Variants in AMBRA1 observed in about 807,000 individuals in gnomAD.
AMBRA1 encodes the protein activating molecule in BECN1-regulated autophagy protein 1.
AMBRA1 carries 47 observed loss-of-function variants against 125.4 expected under a neutral mutation model. The ratio of observed to expected loss-of-function variants is 0.37; its 90% CI spans 0.30 to 0.48. AMBRA1 has a LOEUF of 0.48. Among genes scored for constraint, AMBRA1 ranks in the 20% least tolerant of loss-of-function variants. The pLI, the probability that AMBRA1 is intolerant of heterozygous loss-of-function variation, is 0.99. For synonymous variants in AMBRA1, 626 were observed against 655.5 expected (o/e 0.95, Z 0.69); for missense variants, 1,331 against 1,693.4 (o/e 0.79, Z 3.76).
At chr11:46,488,138 G>A (rs960092382) in intron 11 of AMBRA1, among the ~76,000 whole-genome samples, 4 of 152,166 alleles carry the variant, frequency 2.6e-5, no homozygotes, top group African/African-American at 9.7e-5. Flanking sequence ...TAATGACAAA[G>A]TCACAAAATA....
At position 46,418,019 on chromosome 11, in the gene AMBRA1, C is replaced by A; in HGVS notation, c.3010G>T (p.Asp1004Tyr). ...TTGATACTGACATGTCTCCGCTGGTCGGCAGGCATGGGATAAAGGACGTTG... is the reference window on the plus strand; with the variant it reads ...TTGATACTGACATGTCTCCGCTGGTAGGCAGGCATGGGATAAAGGACGTTG... ...VFNVLYPMPA[D>Y]QRRHVSINSA... Residue 1004 changes from aspartate (D) to tyrosine (Y), a missense_variant, in exon 15 of 18, where the codon GAC becomes TAC. By Grantham distance (160) the Asp-to-Tyr change is radical. Around this residue, in one of 4 missense-constraint regions of AMBRA1, gnomAD observed 354 missense variants for 532.7 expected, o/e 0.66. Coordinates refer to ENST00000683756, the MANE Select transcript of AMBRA1 (RefSeq NM_001387011.1). 3 of 1,604,700 alleles carry A rather than the reference C, an allele frequency of 1.9e-6. No individual in the cohort carries two copies. Among genetic ancestry groups the A allele is most frequent in the South Asian group, 2.2e-5 (2 of 90,122 alleles).
Position 46,397,513 on chromosome 11 carries a change from A to C in AMBRA1, c.3834T>G (p.Leu1278=). 6.5e-7 allele frequency: 1 copy of C among 1,533,684 alleles called. No individual in the cohort carries two copies. Among genetic ancestry groups the C allele is most frequent in the Non-Finnish European group, 8.8e-7 (1 of 1,138,074 alleles). ...CCCCCCTGCTGCTGCCACCATCCAGAAGGTGGTTGTTATTGGTCAACTCGC... is the reference window on the plus strand; with the variant it reads ...CCCCCCTGCTGCTGCCACCATCCAGCAGGTGGTTGTTATTGGTCAACTCGC... ...LHCELTNNNH[L]LDGGSSRGDA... is the part of the protein sequence containing the mutation. The change falls in exon 18 of 18, where the codon CTT becomes CTG. Residue 1278 remains leucine (L), a synonymous_variant. Transcript: ENST00000683756.
intron 14 of AMBRA1, among the ~76,000 whole-genome samples, chr11:46,429,512 C>G (rs1350293620): frequency 1.3e-5 from 2 of 152,210 alleles, no homozygotes; most frequent in African/African-American, 4.8e-5. Context: ...GCTCAAAATG[C>G]CCTAGCTTCG....
At chr11:46,434,647 G>A (rs1456370652) in intron 13 of AMBRA1, among the ~76,000 whole-genome samples, 1 of 152,182 alleles carries the variant, frequency 6.6e-6, no homozygotes, top group African/African-American at 2.4e-5. Context: ...ACAGGGGCAT[G>A]CGGTAGGACT....
chr11:46,553,552 C>G (rs546407976), intron 1 of AMBRA1, among the ~76,000 whole-genome samples: 1 of 152,126 alleles, frequency 6.6e-6, no homozygotes, highest in Admixed American at 6.5e-5. Context: ...CGAGACCAGC[C>G]TGGCCAACAT....
At chr11:46,569,240 C>CA (rs1207336499) in intron 1 of AMBRA1, among the ~76,000 whole-genome samples, 12,790 of 68,520 alleles carry the variant, frequency 0.19, 981 homozygotes, top group Middle Eastern at 0.3. Flanking sequence ...GAGGGAATCT[C>CA]AAAAAAAAAA....
intron 7 of AMBRA1, among the ~76,000 whole-genome samples, chr11:46,536,284 C>T (rs1366807569): frequency 6.6e-6 from 1 of 152,134 alleles, no homozygotes; most frequent in Non-Finnish European, 1.5e-5. Context: ...AGGGAGCTCA[C>T]TGACGGAAAG....
At chr11:46,526,545 AT>A (rs369594191) in intron 7 of AMBRA1, among the ~76,000 whole-genome samples, 1 of 149,476 alleles carries the variant, frequency 6.7e-6, no homozygotes, top group African/African-American at 2.5e-5. Flanking sequence ...AAAAATTAAA[AT>A]TAAAAAAAAA....
chr11:46,443,269 A>G (rs186576722), intron 12 of AMBRA1, among the ~76,000 whole-genome samples: 1 of 152,232 alleles, frequency 6.6e-6, no homozygotes, highest in Admixed American at 6.5e-5. Context: ...TGTTAATTAA[A>G]CTCGATTAAT....
chr11:46,398,299 T>G (rs772160762), intron 17 of AMBRA1, among the ~76,000 whole-genome samples: 15 of 152,180 alleles, frequency 9.9e-5, no homozygotes, highest in Admixed American at 2.6e-4. Context: ...GCCTGCTCCC[T>G]GTTGTGGAAA....
chr11:46,554,739 C>G (rs2043114025), intron 1 of AMBRA1, among the ~76,000 whole-genome samples: 1 of 152,092 alleles, frequency 6.6e-6, no homozygotes, highest in African/African-American at 2.4e-5. Flanking sequence ...GGAGAAAATG[C>G]CAGTCAATTG....
chr11:46,433,329 A>G, intron 14 of AMBRA1, 145 bp downstream of exon 14: 1 of 982,054 alleles, frequency 1.0e-6, no homozygotes, highest in Non-Finnish European at 1.4e-6. Context: ...CTGGTCATGG[A>G]TGGGCTTGAC....
At chr11:46,553,503 T>C (rs1428852480) in intron 1 of AMBRA1, among the ~76,000 whole-genome samples, 1 of 151,844 alleles carries the variant, frequency 6.6e-6, no homozygotes, top group African/African-American at 2.4e-5. Flanking sequence ...TCCCAGCACT[T>C]TGGGAGGCCA....
At chr11:46,484,222 G>C (rs1950183259) in intron 11 of AMBRA1, among the ~76,000 whole-genome samples, 1 of 152,176 alleles carries the variant, frequency 6.6e-6, no homozygotes, top group African/African-American at 2.4e-5. Flanking sequence ...GGAAAATATG[G>C]GTTTTGACCT....
At position 46,542,840 on chromosome 11, in the gene AMBRA1, G is replaced by A. The variant is rs749818328; in HGVS notation, c.1177C>T (p.Arg393Cys). ...LRNLSLGPTR[R>C]SLGGPLSSHP... ...CTAGACAGAGGCCCTCCCAAAGAGC[G>A]GCGGGTAGGACCCAGACTGAGGTTG... The change falls in exon 7 of 18, where the codon CGC becomes TGC. Residue 393 changes from arginine to cysteine, a missense_variant. Transcript: ENST00000683756. The surrounding 1 kb of genome is among the most constrained non-coding windows in gnomAD (Gnocchi z 5.9). 9.9e-6 allele frequency: 16 copies of A among 1,613,890 alleles called. No individual in the cohort carries two copies. The highest frequency in any genetic ancestry group is 1.3e-5 in the African/African-American group (1 of 74,920).
At chr11:46,497,883 G>A (rs1950694413) in intron 9 of AMBRA1, among the ~76,000 whole-genome samples, 1 of 152,202 alleles carries the variant, frequency 6.6e-6, no homozygotes, top group South Asian at 2.1e-4. Flanking sequence ...GAGATAATGG[G>A]TTGGGGTGGG....
intron 1 of AMBRA1, among the ~76,000 whole-genome samples, chr11:46,592,351 C>A (rs2044633213): frequency 6.6e-6 from 1 of 152,058 alleles, no homozygotes; most frequent in Non-Finnish European, 1.5e-5. Context: ...GAAAAGGGAA[C>A]CACAAAGGAG....
intron 11 of AMBRA1, among the ~76,000 whole-genome samples, chr11:46,462,643 T>C (rs931514040): frequency 6.6e-6 from 1 of 152,092 alleles, no homozygotes; most frequent in African/African-American, 2.4e-5. Context: ...AACCTTCTGC[T>C]CATACTGCCC....
At chr11:46,527,624 C>T (rs1009947918) in intron 7 of AMBRA1, among the ~76,000 whole-genome samples, 1 of 151,294 alleles carries the variant, frequency 6.6e-6, no homozygotes, top group African/African-American at 2.4e-5. Context: ...AATAACCATA[C>T]TAAACAATGG....
Sources: allele counts gnomAD v4.1 joint callset (sites outside exome capture counted in the v4.1 genomes callset), GRCh38; gene constraint gnomAD v4.1.1; regional missense constraint gnomAD v4.1.1; non-coding constraint Gnocchi (gnomAD v3.1); transcripts MANE v1.5; gene names NCBI Gene and HGNC (gene_info 2026-07-23, HGNC 2026-07-21).